The following ITGAE variants were observed in gnomAD, a reference collection of about 807,000 sequenced individuals.
The protein encoded by ITGAE is integrin subunit alpha E.
In ITGAE, 99 loss-of-function variants were observed where a neutral mutation model predicts 136.5. The ratio of observed to expected loss-of-function variants is 0.73; its 90% CI spans 0.62 to 0.86. The LOEUF (loss-of-function observed/expected upper bound fraction) is 0.86, where lower values mean the gene tolerates loss of function less well. Among genes scored for constraint, ITGAE ranks in the 40% least tolerant of loss-of-function variants. ITGAE has a pLI of 0.00. For missense variants in ITGAE, 1,447 were observed against 1,515.3 expected, an observed-to-expected ratio of 0.95 and a Z score of 0.75; for synonymous variants, 613 against 591.8, an observed-to-expected ratio of 1.04 and a Z score of -0.52.
intron 2 of ITGAE, among the ~76,000 whole-genome samples, chr17:3,769,227 T>C (rs559831763): frequency 8.5e-5 from 13 of 152,184 alleles, no homozygotes; most frequent in African/African-American, 2.9e-4. Flanking sequence ...CTGCGATCCC[T>C]CCTGCTGCAG....
chr17:3,769,405 C>A (rs936916175), intron 2 of ITGAE, among the ~76,000 whole-genome samples: 5 of 149,954 alleles, frequency 3.3e-5, no homozygotes, highest in Admixed American at 2.7e-4. Context: ...GTGCAGGGTG[C>A]GCACTGCAGA....
At position 3,753,273 on chromosome 17, in the gene ITGAE, G is replaced by A; in HGVS notation, c.1668+17C>T. 1 of 1,611,090 alleles carries A rather than the reference G, an allele frequency of 6.2e-7. No individual in the cohort carries two copies. The highest frequency in any genetic ancestry group is 8.5e-7 in the Non-Finnish European group (1 of 1,177,876). On this transcript the variant is annotated intron_variant, in intron 14 of 30. Transcript: ENST00000263087. ...GCCACAGCCTCAGCAAGCTCATGAA[G>A]ATGGAGACTCTCCCACCTGCTCGCT...
At chr17:3,767,184 C>T (rs1034495255) in intron 2 of ITGAE, among the ~76,000 whole-genome samples, 3 of 152,092 alleles carry the variant, frequency 2.0e-5, no homozygotes, top group Non-Finnish European at 4.4e-5. Context: ...GCAACCTCCA[C>T]CTCCTGGGTT....
chr17:3,732,195 G>A (rs57784565), intron 22 of ITGAE, among the ~76,000 whole-genome samples, 173 bp downstream of exon 22: 29,811 of 152,130 alleles, frequency 0.2, 6,701 homozygotes, highest in African/African-American at 0.56. Flanking sequence ...GAAAGCTCTC[G>A]TCCCCATCAC....
In ITGAE at chr17:3,755,903, A is replaced by G. The variant is rs1174059528; in HGVS notation, c.1172-6T>C. ...AAGGGCGTCTCCAACCGTGCCTGCA[A>G]GCCAAGAAGCCCAGTGAGACTGCTG... On this transcript the variant is annotated splice_polypyrimidine_tract_variant and splice_region_variant and intron_variant, in intron 10 of 30. Transcript: ENST00000263087. 1.3e-6 allele frequency: 2 copies of G among 1,590,668 alleles called. No individual in the cohort carries two copies. The highest frequency in any genetic ancestry group is 1.8e-5 in the Admixed American group (1 of 56,100).
Position 3,763,858 on chromosome 17 carries a change from G to A in ITGAE, c.247+11C>T, listed in dbSNP as rs2052231042. 1 of 1,609,414 alleles carries A rather than the reference G, an allele frequency of 6.2e-7. No homozygotes were observed. Among genetic ancestry groups the A allele is most frequent in the South Asian group, 1.1e-5 (1 of 91,018 alleles). On this transcript the variant is annotated intron_variant, in intron 3 of 30. Coordinates refer to ENST00000263087, the MANE Select transcript of ITGAE (RefSeq NM_002208.5). ...CCTGGGGAGCATTCCCTGGAGTTGG[G>A]GCTGACTTACCTACAGGATGGCAAA...
In ITGAE at chr17:3,731,093, G is replaced by C. The variant is rs1332242603; in HGVS notation, c.2834+11C>G. 1 of 1,607,692 alleles carries C rather than the reference G, an allele frequency of 6.2e-7. No individual in the cohort carries two copies. Among genetic ancestry groups the C allele is most frequent in the African/African-American group, 1.3e-5 (1 of 74,856 alleles). On this transcript the variant is annotated intron_variant, in intron 23 of 30. Transcript: ENST00000263087. Reference sequence around the variant, plus strand: ...ATAGCCTGACTCTGCTGTGACCCAGGCAGTACTTACTTGGTGACAGTCACA... The same window carrying C: ...ATAGCCTGACTCTGCTGTGACCCAGCCAGTACTTACTTGGTGACAGTCACA...
Position 3,798,939 on chromosome 17 carries a change from A to C in ITGAE, c.34+2172T>G. 6.6e-6 allele frequency among the ~76,000 whole-genome samples: 1 copy of C among 152,164 alleles called. No homozygotes were observed. Among genetic ancestry groups the C allele is most frequent in the African/African-American group, 2.4e-5 (1 of 41,510 alleles). ...ATGCTTCTAAAATCTCCCTTAGACA[A>C]CTGCTATTATTCCGTCTGCTGCCAC... is the stretch of plus-strand genomic sequence containing the variant. On this transcript the variant is annotated intron_variant, in intron 1 of 30. Coordinates refer to ENST00000263087, the MANE Select transcript of ITGAE (RefSeq NM_002208.5). The surrounding 1 kb of genome is among the most constrained non-coding windows in gnomAD (Gnocchi z 4.3).
chr17:3,727,336 GAGA>G (rs958558802), intron 26 of ITGAE, among the ~76,000 whole-genome samples: 2 of 152,064 alleles, frequency 1.3e-5, no homozygotes, highest in Non-Finnish European at 1.5e-5. Context: ...CGCTCACACA[GAGA>G]AGCAGAATTT....
chr17:3,726,005 G>C (rs1365635311), intron 26 of ITGAE: 1 of 1,613,978 alleles, frequency 6.2e-7, no homozygotes, highest in South Asian at 1.1e-5. Context: ...ACTACACCCT[G>C]TCGCGCTTGG....
At chr17:3,715,024 A>G (rs2050916263) in intron 30 of ITGAE, 82 bp from the exon 31 acceptor site, 3 of 760,218 alleles carry the variant, frequency 3.9e-6, no homozygotes, top group South Asian at 1.5e-5. Flanking sequence ...GCTGTTGCCT[A>G]AATAGCCCCT....
At chr17:3,769,941 C>T (rs1367124122) in intron 2 of ITGAE, among the ~76,000 whole-genome samples, 2 of 152,062 alleles carry the variant, frequency 1.3e-5, no homozygotes, top group Non-Finnish European at 2.9e-5. Context: ...GATCTGCCTG[C>T]CTTGGCCTTC....
intron 1 of ITGAE, among the ~76,000 whole-genome samples, chr17:3,790,784 CAGACGG>C (rs2052918648): frequency 6.6e-6 from 1 of 152,146 alleles, no homozygotes; most frequent in Non-Finnish European, 1.5e-5. Context: ...GGGTGCACTC[CAGACGG>C]AGAGCCACAG....
intron 26 of ITGAE, among the ~76,000 whole-genome samples, chr17:3,727,046 A>C (rs1007050128): frequency 6.6e-6 from 1 of 152,100 alleles, no homozygotes; most frequent in Admixed American, 6.5e-5. Context: ...CCCTCTTTCT[A>C]ATTGTCAGCA....
At chr17:3,744,037 C>T (rs2051655224) in intron 18 of ITGAE, among the ~76,000 whole-genome samples, 1 of 149,952 alleles carries the variant, frequency 6.7e-6, no homozygotes, top group Non-Finnish European at 1.5e-5. Flanking sequence ...GATAAGGTCT[C>T]ACTCACTCTG....
intron 30 of ITGAE, among the ~76,000 whole-genome samples, chr17:3,716,222 A>G (rs1688272056): frequency 9.5e-6 from 1 of 105,534 alleles, no homozygotes; most frequent in African/African-American, 4.3e-5. Context: ...CGGGTAGCGG[A>G]CAGAGAGGAG....
chr17:3,775,614 C>A (rs1220356490), intron 2 of ITGAE, among the ~76,000 whole-genome samples: 2 of 151,194 alleles, frequency 1.3e-5, no homozygotes, highest in Non-Finnish European at 2.9e-5. Flanking sequence ...CGCCCGCCAC[C>A]ACACCCAGCT....
rs1023867321 is a variant in ITGAE, at chr17:3,798,968, TAAG to T, written c.34+2140_34+2142del. ...CTATTATTCCGTCTGCTGCCACAAA[TAAG>T]AAGTAGGCATCACCAGAGTGGCTGG... On this transcript the variant is annotated intron_variant, in intron 1 of 30. Coordinates refer to ENST00000263087, the MANE Select transcript of ITGAE (RefSeq NM_002208.5). The surrounding 1 kb of genome is among the most constrained non-coding windows in gnomAD (Gnocchi z 4.3). Among the ~76,000 whole-genome samples the T allele has an allele frequency of 6.6e-6, 1 of 152,042 alleles. No homozygotes were observed. The highest frequency in any genetic ancestry group is 2.4e-5 in the African/African-American group (1 of 41,386).
chr17:3,774,189 G>A (rs2052489199), intron 2 of ITGAE, among the ~76,000 whole-genome samples: 1 of 151,284 alleles, frequency 6.6e-6, no homozygotes, highest in African/African-American at 2.4e-5. Flanking sequence ...GTGCCTGTTT[G>A]AACCCTGGGC....
Sources: allele counts gnomAD v4.1 joint callset (sites outside exome capture counted in the v4.1 genomes callset), GRCh38; gene constraint gnomAD v4.1.1; non-coding constraint Gnocchi (gnomAD v3.1); transcripts MANE v1.5; gene names NCBI Gene and HGNC (gene_info 2026-07-23, HGNC 2026-07-21).